The following SAMD9L variants were observed in gnomAD, a reference collection of about 807,000 sequenced individuals.
SAMD9L encodes sterile alpha motif domain-containing protein 9-like.
Under a neutral mutation model 90.7 loss-of-function variants are expected in SAMD9L, and 68 were observed. The ratio of observed to expected loss-of-function variants is 0.75; its 90% CI spans 0.62 to 0.92. The LOEUF (loss-of-function observed/expected upper bound fraction) is 0.92, where lower values mean the gene tolerates loss of function less well. Among genes scored for constraint, SAMD9L ranks in the 40% least tolerant of loss-of-function variants. SAMD9L has a pLI of 0.00. For synonymous variants in SAMD9L, 640 were observed against 630.1 expected, an observed-to-expected ratio of 1.02 and a Z score of -0.23; for missense variants, 1,604 against 1,824.3, an observed-to-expected ratio of 0.88 and a Z score of 2.20.
Position 93,133,075 on chromosome 7 carries a change from G to A in SAMD9L, c.2897C>T (p.Thr966Ile), listed in dbSNP as rs1197258613. The change falls in exon 5 of 5, where the codon ACT becomes ATT. Residue 966 changes from threonine (T) to isoleucine (I), a missense_variant. Thr to Ile is a moderately conservative substitution (Grantham distance 89). This residue lies in a region of SAMD9L where 606 missense variants were observed against 717.6 expected (regional missense o/e 0.84). Transcript: ENST00000318238. ...EPESLEDKMG[T>I]YSTLLIKTEV... Reference sequence around the variant, plus strand: ...TGTTTTTATTAGAAGTGTAGAATAAGTTCCCATCTTGTCTTCTAAGCTTTC... The same window carrying A: ...TGTTTTTATTAGAAGTGTAGAATAAATTCCCATCTTGTCTTCTAAGCTTTC... 1.2e-6 allele frequency: 2 copies of A among 1,613,342 alleles called. No homozygotes were observed. Among genetic ancestry groups the A allele is most frequent in the Non-Finnish European group, 1.7e-6 (2 of 1,179,630 alleles).
At position 93,131,527 on chromosome 7, in the gene SAMD9L, T is replaced by G. The variant is rs1308096942; in HGVS notation, c.4445A>C (p.Lys1482Thr). The change falls in exon 5 of 5, where the codon AAG (lysine) becomes ACG (threonine). Residue 1482 changes from lysine (K) to threonine (T), a missense_variant. Lys to Thr is a moderately conservative substitution (Grantham distance 78, BLOSUM62 -1). This residue lies in a region of SAMD9L where 282 missense variants were observed against 329.6 expected (regional missense o/e 0.86). Transcript: ENST00000318238. ...ASTLFYLGKR[K>T]GLNSIVHKAK... ...CTTGTGAACAATACTGTTTAGACCC[T>G]TCCTTTTGCCCAGATAGAAAAGTGT... 6.2e-7 allele frequency: 1 copy of G among 1,614,008 alleles called. No individual in the cohort carries two copies. The highest frequency in any genetic ancestry group is 1.7e-5 in the Admixed American group (1 of 59,984).
rs1792290345 is a variant in SAMD9L at position 93,134,087 on chromosome 7, G to A, written c.1885C>T (p.Arg629Trp). 6 of 1,613,704 alleles carry A rather than the reference G, an allele frequency of 3.7e-6. No homozygotes were observed. Among genetic ancestry groups the A allele is most frequent in the Non-Finnish European group, 5.1e-6 (6 of 1,179,820 alleles). Residue 629 changes from arginine (R) to tryptophan (W), a missense_variant, in exon 5 of 5, where the codon CGG becomes TGG. By Grantham distance (101) the Arg-to-Trp change is moderately radical. Transcript: ENST00000318238. ...GCGGGCAAAAACCTTCTTGATGACC[G>A]AGTCACCGATTTTAGTTTAAGGATA... ...STILKLKSVT[R>W]SSRRFLPARG...
rs775623347 is a variant in SAMD9L, at chr7:93,134,681, G to T, written c.1291C>A (p.His431Asn). The T allele has an allele frequency of 1.9e-6, 3 of 1,613,442 alleles. No individual in the cohort carries two copies. The highest frequency in any genetic ancestry group is 2.5e-6 in the Non-Finnish European group (3 of 1,179,738). ...TTAATTTCTTTTAAAAAATCTAAGT[G>T]CTTTATTTGGTTTGGATGGCATTTA... ...TNKCHPNQIK[H>N]LDFLKEIKWF... The change falls in exon 5 of 5, where the codon CAC becomes AAC. Residue 431 changes from histidine to asparagine, a missense_variant. Physicochemically the swap from His to Asn is moderately conservative, Grantham distance 68. Coordinates refer to ENST00000318238, the MANE Select transcript of SAMD9L (RefSeq NM_152703.5).
At chr7:93,137,107 A>C (rs1409820498) in intron 4 of SAMD9L, among the ~76,000 whole-genome samples, 1 of 152,246 alleles carries the variant, frequency 6.6e-6, no homozygotes, top group Non-Finnish European at 1.5e-5. Context: ...TTAAGGATCA[A>C]ATGAAACAAA....
intron 2 of SAMD9L, 143 bp from the exon 3 acceptor site, chr7:93,146,183 C>A (rs578061390): frequency 3.5e-4 from 54 of 152,366 alleles, no homozygotes; most frequent in African/African-American, 1.3e-3. Context: ...GGCCCAGTCC[C>A]CTGACCTCCT....
Position 93,131,614 on chromosome 7 carries a change from GA to G in SAMD9L, c.4357del (p.Ser1453HisfsTer3). On this transcript the variant is annotated frameshift_variant, in exon 5 of 5. Coordinates refer to ENST00000318238, the MANE Select transcript of SAMD9L (RefSeq NM_152703.5). LOFTEE classifies it high-confidence loss of function. ...QDSKLIEKYV[S>X]SLNRSFRGQY... ...TCCCCTGAAGGATCTATTTAAGGAT[GA>G]AACATACTTTTCTATTAGTTTGGAA... 1.2e-6 allele frequency: 2 copies of G among 1,613,876 alleles called. No homozygotes were observed. Among genetic ancestry groups the G allele is most frequent in the Non-Finnish European group, 1.7e-6 (2 of 1,179,886 alleles).
chr7:93,134,702 A>G lies in SAMD9L; in HGVS notation c.1270T>C (p.Cys424Arg). Reference protein sequence around the residue: ...YDWYILVTNKCHPNQIKHLDF... With the variant: ...YDWYILVTNKRHPNQIKHLDF... ...AAGTGCTTTATTTGGTTTGGATGGC[A>G]TTTATTTGTTACAAGAATGTACCAG... The change falls in exon 5 of 5, where the codon TGC becomes CGC. Residue 424 changes from cysteine (C) to arginine (R), a missense_variant. By Grantham distance (180) the Cys-to-Arg change is radical. Transcript: ENST00000318238. 3 of 1,613,684 alleles carry G rather than the reference A, an allele frequency of 1.9e-6. No individual in the cohort carries two copies. Among genetic ancestry groups the G allele is most frequent in the Non-Finnish European group, 1.7e-6 (2 of 1,179,894 alleles).
chr7:93,141,916 A>C (rs1379704722), intron 4 of SAMD9L, among the ~76,000 whole-genome samples: 1 of 152,224 alleles, frequency 6.6e-6, no homozygotes, highest in South Asian at 2.1e-4. Flanking sequence ...AAGGTCTGAC[A>C]TGATATGTCC....
chr7:93,143,351 G>C (rs1001842148), intron 4 of SAMD9L, among the ~76,000 whole-genome samples: 10 of 152,088 alleles, frequency 6.6e-5, no homozygotes, highest in Non-Finnish European at 1.5e-4. Flanking sequence ...ACCCTGACTG[G>C]AACATGGCTG....
rs751374173 is a variant in SAMD9L at position 93,133,810 on chromosome 7, A to G, written c.2162T>C (p.Leu721Ser). ...KRDSYEKLKDLIHCWAESPKP... is the reference protein window; with the variant it reads ...KRDSYEKLKDSIHCWAESPKP... ...AGGAGACTCTGCCCAGCAGTGTATT[A>G]AATCTTTAAGCTTTTCATAACTGTC... Residue 721 changes from leucine (L) to serine (S), a missense_variant, in exon 5 of 5, where the codon TTA (leucine) becomes TCA (serine). Leu to Ser is a moderately radical substitution (Grantham distance 145). Transcript: ENST00000318238. 1 of 1,613,684 alleles carries G rather than the reference A, an allele frequency of 6.2e-7. No homozygotes were observed. Among genetic ancestry groups the G allele is most frequent in the South Asian group, 1.1e-5 (1 of 91,036 alleles).
rs1792076969 is a variant in SAMD9L, at chr7:93,131,297, C to A, written c.4675G>T (p.Gly1559Cys). 6.2e-7 allele frequency: 1 copy of A among 1,612,082 alleles called. No homozygotes were observed. The highest frequency in any genetic ancestry group is 8.5e-7 in the Non-Finnish European group (1 of 1,179,222). ...ISVYSGPLRS[G>C]RNIERVSFYL... Reference sequence around the variant, plus strand: ...AAAGACACTCTTTCTATGTTCCTACCACTTCTGAGTGGACCTGAATAAACA... The same window carrying A: ...AAAGACACTCTTTCTATGTTCCTACAACTTCTGAGTGGACCTGAATAAACA... Residue 1559 changes from glycine (G) to cysteine (C), a missense_variant, in exon 5 of 5, where the codon GGT becomes TGT. Gly to Cys is a radical substitution (Grantham distance 159, BLOSUM62 -3). Transcript: ENST00000318238.
intron 4 of SAMD9L, among the ~76,000 whole-genome samples, chr7:93,138,794 G>A (rs895932051): frequency 1.6e-5 from 2 of 123,618 alleles, no homozygotes; most frequent in Non-Finnish European, 3.4e-5. Context: ...TTGGGAGCCC[G>A]GTAGGCTCAT....
At position 93,133,649 on chromosome 7, in the gene SAMD9L, C is replaced by T; in HGVS notation, c.2323G>A (p.Ala775Thr). The change falls in exon 5 of 5, where the codon GCA becomes ACA. Residue 775 changes from alanine (A) to threonine (T), a missense_variant. By Grantham distance (58) the Ala-to-Thr change is moderately conservative. Coordinates refer to ENST00000318238, the MANE Select transcript of SAMD9L (RefSeq NM_152703.5). Reference protein sequence around the residue: ...AVLKNKTTDFAEIAEQVINLV... With the variant: ...AVLKNKTTDFTEIAEQVINLV... The stretch of plus-strand genomic sequence containing the variant: ...TTGATCACTTGCTCTGCAATTTCTG[C>T]AAAATCAGTTGTCTTGTTTTTTAAC... 1 of 1,613,492 alleles carries T rather than the reference C, an allele frequency of 6.2e-7. No homozygotes were observed. The highest frequency in any genetic ancestry group is 8.5e-7 in the Non-Finnish European group (1 of 1,179,796).
rs965466878 is a variant in SAMD9L at position 93,135,196 on chromosome 7, G to A, written c.776C>T (p.Ala259Val). ...IVGVKITSKA[A>V]FIDHFNVMIK... ...CATTACATTGAAGTGGTCAATGAAG[G>A]CAGCCTTACTGGTGATTTTCACACC... is the stretch of plus-strand genomic sequence containing the variant. Residue 259 changes from alanine to valine, a missense_variant, in exon 5 of 5, where the codon GCC becomes GTC. This residue lies in a region of SAMD9L where 374 missense variants were observed against 363.6 expected (regional missense o/e 1.03). Transcript: ENST00000318238. 5.0e-6 allele frequency: 8 copies of A among 1,613,972 alleles called. No individual in the cohort carries two copies. The highest frequency in any genetic ancestry group is 6.8e-6 in the Non-Finnish European group (8 of 1,179,966).
chr7:93,130,660 AGTGTGTGTGT>A lies in SAMD9L; in HGVS notation c.*547_*556del, dbSNP rs71830352. On this transcript the variant is annotated 3_prime_UTR_variant, in exon 5 of 5. Coordinates refer to ENST00000318238, the MANE Select transcript of SAMD9L (RefSeq NM_152703.5). ...TGGGAGAAGGGCAAGGGGTACAAGG[AGTGTGTGTGT>A]GTGTGTGTGTGTGTGTGTGTGTGTG... The A allele has an allele frequency of 0.011, 1,487 of 136,490 alleles. 33 individuals are homozygous for A. Among genetic ancestry groups the A allele is most frequent in the African/African-American group, 0.036 (1,318 of 37,096 alleles). 8.5% of individuals were successfully genotyped at this position (136,490 alleles called of 1,614,324 possible).
In SAMD9L at chr7:93,132,633, T is replaced by G. The variant is rs368397638; in HGVS notation, c.3339A>C (p.Ala1113=). ...LDWARQAKMK[A]PKNSYISDTL... is the part of the protein sequence containing the mutation. ...TATCTGAAATATAGGAATTTTTAGG[T>G]GCTTTCATTTTGGCCTGACGTGCCC... Residue 1113 remains alanine (A), a synonymous_variant, in exon 5 of 5, where the codon GCA becomes GCC. Coordinates refer to ENST00000318238, the MANE Select transcript of SAMD9L (RefSeq NM_152703.5). The G allele has an allele frequency of 5.8e-5, 94 of 1,613,536 alleles. No homozygotes were observed. The highest frequency in any genetic ancestry group is 7.9e-5 in the Non-Finnish European group (93 of 1,179,784).
At chr7:93,139,725 C>G (rs1400501033) in intron 4 of SAMD9L, among the ~76,000 whole-genome samples, 1 of 152,150 alleles carries the variant, frequency 6.6e-6, no homozygotes, top group Admixed American at 6.5e-5. Context: ...TATGGCAGCT[C>G]TAGCCAATAA....
At position 93,145,921 on chromosome 7, in the gene SAMD9L, C is replaced by G. The variant is rs1792873840; in HGVS notation, c.-659G>C. The G allele has an allele frequency of 1.3e-5, 2 of 152,192 alleles. No individual in the cohort carries two copies. Among genetic ancestry groups the G allele is most frequent in the South Asian group, 4.1e-4 (2 of 4,824 alleles). The allele number at this position is 152,192 out of a possible 1,614,324, so 9.4% of individuals were successfully genotyped here. A position where few individuals can be genotyped will look rare whatever the true frequency, so the allele number is the denominator to read the frequency against. The stretch of plus-strand genomic sequence containing the variant: ...AGCATTTGACTACCTGACACCACTA[C>G]CACCTGGTCCAAGCCTTCCTCATCT... On this transcript the variant is annotated 5_prime_UTR_variant, in exon 3 of 5. Transcript: ENST00000318238.
chr7:93,138,414 TA>T (rs1172083553), intron 4 of SAMD9L, among the ~76,000 whole-genome samples: 4 of 143,654 alleles, frequency 2.8e-5, no homozygotes, highest in Non-Finnish European at 6.2e-5. Context: ...TTGGAGAAGA[TA>T]AAAAAAGGAA....
Sources: allele counts gnomAD v4.1 joint callset (sites outside exome capture counted in the v4.1 genomes callset), GRCh38; gene constraint gnomAD v4.1.1; regional missense constraint gnomAD v4.1.1; transcripts MANE v1.5; gene names NCBI Gene and HGNC (gene_info 2026-07-23, HGNC 2026-07-21).